The following ERRFI1 variants were observed in gnomAD, a reference collection of about 807,000 sequenced individuals.
ERRFI1 encodes the protein ERBB receptor feedback inhibitor 1, also known as mitogen-inducible gene 6 protein.
A neutral mutation model predicts 14.6 loss-of-function variants in ERRFI1; 12 were observed. That is an observed-to-expected ratio of 0.82 (90% confidence interval 0.53 to 1.33). The LOEUF (loss-of-function observed/expected upper bound fraction) is 1.33. Among genes scored for constraint, ERRFI1 ranks in the 40% most tolerant of loss-of-function variants. ERRFI1 has a pLI of 0.00. For synonymous variants in ERRFI1, 202 were observed against 209.9 expected (o/e 0.96, Z 0.32); for missense variants, 482 against 572.1 (o/e 0.84, Z 1.61).
Position 8,013,777 on chromosome 1 carries a change from A to T in ERRFI1, c.822T>A (p.Pro274=). ...CCTCAGGTTTGTCTTCATCGGAGTT[A>T]GGAGAAGCTCTGTGTATACAACAGT... The part of the protein sequence containing the change: ...ISNCCIHRAS[P]NSDEDKPEVP... The change falls in exon 4 of 4, where the codon CCT becomes CCA. Residue 274 remains proline, a synonymous_variant. Coordinates refer to ENST00000377482, the MANE Select transcript of ERRFI1 (RefSeq NM_018948.4). This position sits in a 1 kb window ranked among gnomAD's most constrained non-coding sequence, Gnocchi z 4.3. The T allele has an allele frequency of 6.2e-7, 1 of 1,614,174 alleles. No individual in the cohort carries two copies. Among genetic ancestry groups the T allele is most frequent in the South Asian group, 1.1e-5 (1 of 91,082 alleles).
intron 1 of ERRFI1, among the ~76,000 whole-genome samples, chr1:8,019,990 A>G (rs1469255729): frequency 6.6e-6 from 1 of 152,100 alleles, no homozygotes; most frequent in Non-Finnish European, 1.5e-5. Context: ...TTTCTAAAAA[A>G]GTTACACCAA....
intron 1 of ERRFI1, among the ~76,000 whole-genome samples, chr1:8,015,993 A>T (rs1641167954): frequency 6.6e-6 from 1 of 152,154 alleles, no homozygotes; most frequent in Non-Finnish European, 1.5e-5. Context: ...AACAAATCAC[A>T]CTCACTTGGC....
chr1:8,018,386 G>A (rs1274642974), intron 1 of ERRFI1, among the ~76,000 whole-genome samples: 1 of 108,632 alleles, frequency 9.2e-6, no homozygotes. Flanking sequence ...GGGGGGGGGG[G>A]GCGCGGAGTA....
intron 3 of ERRFI1, chr1:8,015,004 G>A (rs928565342): frequency 6.5e-6 from 2 of 308,338 alleles, no homozygotes; most frequent in South Asian, 7.5e-5. Flanking sequence ...GGGAAATCTC[G>A]CCTAAGGTTT....
intron 1 of ERRFI1, among the ~76,000 whole-genome samples, chr1:8,018,686 G>C (rs1017137244): frequency 6.6e-6 from 1 of 152,176 alleles, no homozygotes. Context: ...AGCTTTTTTA[G>C]TGGGTCTAAA....
In ERRFI1 at chr1:8,012,157, T is replaced by TG. The variant is rs1261982968; in HGVS notation, c.*1052dup. ...TCTGGAATTCAGACATACTGAGCTA[T>TG]GGGTCAGAAGTGTTTTACTTAAAAA... On this transcript the variant is annotated 3_prime_UTR_variant, in exon 4 of 4. Coordinates refer to ENST00000377482, the MANE Select transcript of ERRFI1 (RefSeq NM_018948.4). 4.3e-6 allele frequency: 1 copy of TG among 230,706 alleles called. No homozygotes were observed. Among genetic ancestry groups the TG allele is most frequent in the African/African-American group, 2.2e-5 (1 of 45,132 alleles). The allele number at this position is 230,706 out of a possible 1,614,324, so 14.3% of individuals were successfully genotyped here.
At chr1:8,024,419 T>C (rs566827300) in intron 1 of ERRFI1, among the ~76,000 whole-genome samples, 1 of 152,232 alleles carries the variant, frequency 6.6e-6, no homozygotes, top group Non-Finnish European at 1.5e-5. Context: ...CCAACCCTTA[T>C]CAATGACTGC....
chr1:8,025,609 G>A (rs929731643), intron 1 of ERRFI1, among the ~76,000 whole-genome samples: 1 of 152,168 alleles, frequency 6.6e-6, no homozygotes, highest in African/African-American at 2.4e-5. Context: ...TTTCAAGACA[G>A]GATTTACGGG....
At chr1:8,021,300 C>T (rs934381020) in intron 1 of ERRFI1, among the ~76,000 whole-genome samples, 2 of 152,072 alleles carry the variant, frequency 1.3e-5, no homozygotes, top group African/African-American at 4.8e-5. Flanking sequence ...AACAAAAAAC[C>T]CATTCCCTCA....
At chr1:8,016,253 G>T (rs1418359008) in intron 1 of ERRFI1, among the ~76,000 whole-genome samples, 2 of 152,174 alleles carry the variant, frequency 1.3e-5, no homozygotes, top group Non-Finnish European at 2.9e-5. Flanking sequence ...TTTCAGGGTT[G>T]GCCATGGGGA....
Position 8,012,380 on chromosome 1 carries a change from C to G in ERRFI1, c.*830G>C, listed in dbSNP as rs986213943. 2.6e-5 allele frequency: 6 copies of G among 230,698 alleles called. No individual in the cohort carries two copies. Among genetic ancestry groups the G allele is most frequent in the African/African-American group, 1.1e-4 (5 of 45,168 alleles). The allele number at this position is 230,698 out of a possible 1,614,324, so 14.3% of individuals were successfully genotyped here. On this transcript the variant is annotated 3_prime_UTR_variant, in exon 4 of 4. Coordinates refer to ENST00000377482, the MANE Select transcript of ERRFI1 (RefSeq NM_018948.4). ...AACACTGGCACCTAGAATACTTTTC[C>G]ATCTGAGTCTAACGTACCCCACTGC...
At chr1:8,024,412 A>G (rs1015308013) in intron 1 of ERRFI1, among the ~76,000 whole-genome samples, 2 of 152,188 alleles carry the variant, frequency 1.3e-5, no homozygotes, top group African/African-American at 4.8e-5. Context: ...TTGCTTTCCA[A>G]CCCTTATCAA....
intron 1 of ERRFI1, among the ~76,000 whole-genome samples, chr1:8,019,761 G>C (rs1244600357): frequency 6.6e-6 from 1 of 152,158 alleles, no homozygotes; most frequent in Non-Finnish European, 1.5e-5. Flanking sequence ...GAATTTTTAT[G>C]AAATTCATTT....
chr1:8,014,374 C>G lies in ERRFI1; in HGVS notation c.225G>C (p.Pro75=). ...TTTCTGCAAAGCAGTGGCCATTCAT[C>G]GGAGCAGATTTGGAAGCATGCCCTG... ...IPLGHASKSA[P]MNGHCFAENG... Residue 75 remains proline, a synonymous_variant, in exon 4 of 4, where the codon CCG becomes CCC. Transcript: ENST00000377482. 1 of 1,590,534 alleles carries G rather than the reference C, an allele frequency of 6.3e-7. No individual in the cohort carries two copies. The highest frequency in any genetic ancestry group is 8.6e-7 in the Non-Finnish European group (1 of 1,167,638).
chr1:8,016,792 TAGTA>T (rs1302686657), intron 1 of ERRFI1, among the ~76,000 whole-genome samples: 1 of 152,156 alleles, frequency 6.6e-6, no homozygotes, highest in East Asian at 1.9e-4. Flanking sequence ...CACTAAATAT[TAGTA>T]AGGGATCAGT....
intron 1 of ERRFI1, among the ~76,000 whole-genome samples, chr1:8,024,454 G>A (rs1569601835): frequency 6.6e-6 from 1 of 152,316 alleles, no homozygotes; most frequent in African/African-American, 2.4e-5. Flanking sequence ...GCCTTAAAAG[G>A]TAAAACATGC....
At position 8,015,623 on chromosome 1, in the gene ERRFI1, G is replaced by T; in HGVS notation, c.-4C>A. 1 of 1,614,018 alleles carries T rather than the reference G, an allele frequency of 6.2e-7. No individual in the cohort carries two copies. The highest frequency in any genetic ancestry group is 8.5e-7 in the Non-Finnish European group (1 of 1,179,906). On this transcript the variant is annotated 5_prime_UTR_variant, in exon 2 of 4. Coordinates refer to ENST00000377482, the MANE Select transcript of ERRFI1 (RefSeq NM_018948.4). The stretch of plus-strand genomic sequence containing the variant: ...CAGCAACTCCTGCTATTGACATTGT[G>T]CCTTATTCTGGGACATCTCCAAACC...
chr1:8,022,537 G>T (rs1007044035), intron 1 of ERRFI1, among the ~76,000 whole-genome samples: 1 of 152,170 alleles, frequency 6.6e-6, no homozygotes, highest in Non-Finnish European at 1.5e-5. Flanking sequence ...TAAATATCTT[G>T]CTATAAGCAA....
intron 1 of ERRFI1, among the ~76,000 whole-genome samples, chr1:8,022,115 C>A (rs1477403758): frequency 6.6e-6 from 1 of 151,910 alleles, no homozygotes; most frequent in African/African-American, 2.4e-5. Context: ...TATGTATCCT[C>A]TAAAATGGGT....
Sources: allele counts gnomAD v4.1 joint callset (sites outside exome capture counted in the v4.1 genomes callset), GRCh38; gene constraint gnomAD v4.1.1; non-coding constraint Gnocchi (gnomAD v3.1); transcripts MANE v1.5; gene names NCBI Gene and HGNC (gene_info 2026-07-23, HGNC 2026-07-21).